Variants in RYR3 observed in about 807,000 individuals in gnomAD.
The protein encoded by RYR3 is brain ryanodine receptor-calcium release channel.
RYR3 carries 207 observed loss-of-function variants against 584.3 expected under a neutral mutation model. That is an observed-to-expected ratio of 0.35 (90% confidence interval 0.32 to 0.40). RYR3 has a LOEUF of 0.40. RYR3 is among the 10% of genes least tolerant of loss of function. RYR3 has a pLI of 1.00. For missense variants in RYR3, 5,616 were observed against 6,089.2 expected (o/e 0.92, Z 2.59); for synonymous variants, 2,416 against 2,248.5 (o/e 1.07, Z -2.11).
At chr15:33,634,196 C>A (rs1208395811) in intron 24 of RYR3, among the ~76,000 whole-genome samples, 1 of 152,044 alleles carries the variant, frequency 6.6e-6, no homozygotes, top group Non-Finnish European at 1.5e-5. Context: ...GGATTACAGG[C>A]ATGTGCCACC....
chr15:33,356,666 G>A (rs1258848034), intron 1 of RYR3, among the ~76,000 whole-genome samples: 1 of 152,164 alleles, frequency 6.6e-6, no homozygotes, highest in African/African-American at 2.4e-5. Flanking sequence ...AGAGAGGTAA[G>A]TAGTAAGGAG....
chr15:33,392,215 A>G (rs974109506), intron 1 of RYR3, among the ~76,000 whole-genome samples: 1 of 139,898 alleles, frequency 7.1e-6, no homozygotes, highest in Non-Finnish European at 1.6e-5. Flanking sequence ...AAAAAAAAAA[A>G]TCGAAGTCAA....
In RYR3 at chr15:33,532,874, T is replaced by C. The variant is rs117364389; in HGVS notation, c.355-437T>C. On this transcript the variant is annotated intron_variant, in intron 4 of 103. Coordinates refer to ENST00000634891, the MANE Select transcript of RYR3 (RefSeq NM_001036.6). The stretch of plus-strand genomic sequence containing the variant: ...GTTCACATGTGTAATCCCAACACTT[T>C]GGGAGGCCAGGGCAGGAGGATCACT... 3.2e-3 allele frequency among the ~76,000 whole-genome samples: 492 copies of C among 152,274 alleles called. 23 individuals carry two copies. In the East Asian group the frequency reaches 0.081, roughly 25 times the overall value.
intron 97 of RYR3, 96 bp downstream of exon 97, chr15:33,854,545 T>G: frequency 8.7e-7 from 1 of 1,150,026 alleles, no homozygotes; most frequent in Non-Finnish European, 1.2e-6. Context: ...GGTTCAGGGA[T>G]TGCTTATCAA....
At chr15:33,738,416 AC>A in intron 49 of RYR3, 33 bp from the exon 50 acceptor site, 1 of 1,586,968 alleles carries the variant, frequency 6.3e-7, no homozygotes, top group Non-Finnish European at 8.6e-7. Context: ...TCTCTATGCC[AC>A]CCCGCTGGTC....
Position 33,662,331 on chromosome 15 carries a change from C to A in RYR3, c.4801C>A (p.Leu1601Ile), listed in dbSNP as rs767716333. 1.2e-6 allele frequency: 2 copies of A among 1,612,224 alleles called. No individual in the cohort carries two copies. Among genetic ancestry groups the A allele is most frequent in the South Asian group, 1.1e-5 (1 of 90,492 alleles). ...YAIDNKYLPG[L>I]LRSGFYDLLI... ...CATTGACAACAAGTACCTCCCCGGCCTCCTTCGATCTGGTTTCTATGACCT... is the reference window on the plus strand; with the variant it reads ...CATTGACAACAAGTACCTCCCCGGCATCCTTCGATCTGGTTTCTATGACCT... Residue 1601 changes from leucine (L) to isoleucine (I), a missense_variant, in exon 35 of 104, where the codon CTC becomes ATC. By Grantham distance (5) the Leu-to-Ile change is conservative (BLOSUM62 2). Transcript: ENST00000634891.
chr15:33,778,280 C>G (rs1351893844), intron 64 of RYR3, among the ~76,000 whole-genome samples: 3 of 152,172 alleles, frequency 2.0e-5, no homozygotes, highest in Non-Finnish European at 4.4e-5. Flanking sequence ...TGTGGCCTTT[C>G]TTGTCCTTTC....
At chr15:33,670,893 G>A (rs1004619433) in intron 38 of RYR3, among the ~76,000 whole-genome samples, 2 of 152,010 alleles carry the variant, frequency 1.3e-5, no homozygotes, top group South Asian at 2.1e-4. Context: ...GTTTCTTAAC[G>A]ATTATTGTTT....
chr15:33,447,828 TG>T (rs146593085), intron 1 of RYR3, among the ~76,000 whole-genome samples: 3,063 of 152,282 alleles, frequency 0.02, 53 homozygotes, highest in Non-Finnish European at 0.026. Context: ...CATAACTTTT[TG>T]TTTACTTCAA....
chr15:33,749,167 G>C (rs2071035150), intron 55 of RYR3, among the ~76,000 whole-genome samples: 1 of 152,196 alleles, frequency 6.6e-6, no homozygotes, highest in Non-Finnish European at 1.5e-5. Context: ...GACAAAATCT[G>C]TGAAATTTAG....
intron 2 of RYR3, among the ~76,000 whole-genome samples, chr15:33,490,935 G>C (rs190365457): frequency 3.4e-4 from 52 of 152,216 alleles, no homozygotes; most frequent in African/African-American, 1.2e-3. Context: ...CATGGGGCTT[G>C]GCACGGAGTT....
chr15:33,656,867 G>A (rs2062847452), intron 32 of RYR3, among the ~76,000 whole-genome samples: 1 of 152,020 alleles, frequency 6.6e-6, no homozygotes, highest in African/African-American at 2.4e-5. Flanking sequence ...TCTTCCTCCA[G>A]CAGGAAAACT....
Position 33,861,146 on chromosome 15 carries a change from T to TA in RYR3, c.14434dup (p.Thr4812AsnfsTer19). The TA allele has an allele frequency of 6.3e-7, 1 of 1,596,306 alleles. No individual in the cohort carries two copies. The highest frequency in any genetic ancestry group is 8.5e-7 in the Non-Finnish European group (1 of 1,170,368). ...CAACCCCTCATGGTTTTGAAACACATACATTACAAGAGCACAACTTAGCCA... is the reference window on the plus strand; with the variant it reads ...CAACCCCTCATGGTTTTGAAACACATAACATTACAAGAGCACAACTTAGCCA... On this transcript the variant is annotated frameshift_variant, in exon 102 of 104. Coordinates refer to ENST00000634891, the MANE Select transcript of RYR3 (RefSeq NM_001036.6). LOFTEE classifies it high-confidence loss of function.
At chr15:33,626,465 C>T (rs975265003) in intron 20 of RYR3, among the ~76,000 whole-genome samples, 1 of 152,070 alleles carries the variant, frequency 6.6e-6, no homozygotes, top group Admixed American at 6.6e-5. Context: ...TGTAGCCTAA[C>T]GATGCAATAG....
intron 60 of RYR3, among the ~76,000 whole-genome samples, chr15:33,759,906 C>G (rs181268719): frequency 6.6e-6 from 1 of 151,226 alleles, no homozygotes; most frequent in Non-Finnish European, 1.5e-5. Context: ...GTAGGGTTAC[C>G]CACAAAGGGA....
intron 1 of RYR3, among the ~76,000 whole-genome samples, chr15:33,435,093 T>C (rs1184050801): frequency 6.6e-6 from 1 of 152,196 alleles, no homozygotes; most frequent in East Asian, 1.9e-4. Context: ...GTGCTGGGAT[T>C]ACAGGCGTGA....
chr15:33,449,927 T>C (rs1348130945), intron 1 of RYR3, among the ~76,000 whole-genome samples: 1 of 151,990 alleles, frequency 6.6e-6, no homozygotes, highest in Admixed American at 6.6e-5. Context: ...GAATGGGGAC[T>C]GGATGAGGTG....
chr15:33,776,327 G>A (rs1207702370), intron 64 of RYR3, among the ~76,000 whole-genome samples: 2 of 152,228 alleles, frequency 1.3e-5, no homozygotes, highest in African/African-American at 4.8e-5. Context: ...CAAAATTTCA[G>A]AGAAGGGTAA....
chr15:33,633,238 T>A, intron 24 of RYR3, 130 bp downstream of exon 24: 1 of 828,258 alleles, frequency 1.2e-6, no homozygotes, highest in Non-Finnish European at 1.9e-6. Flanking sequence ...CACCTCAGTG[T>A]GTTCATTATT....
Sources: allele counts gnomAD v4.1 joint callset (sites outside exome capture counted in the v4.1 genomes callset), GRCh38; gene constraint gnomAD v4.1.1; transcripts MANE v1.5; gene names NCBI Gene and HGNC (gene_info 2026-07-23, HGNC 2026-07-21).